The following IL1RAPL2 variants were observed in gnomAD, a reference collection of about 807,000 sequenced individuals.
IL1RAPL2 encodes X-linked interleukin-1 receptor accessory protein-like 2.
IL1RAPL2 carries 3 observed loss-of-function variants against 44.1 expected under a neutral mutation model. The ratio of observed to expected loss-of-function variants is 0.07; its 90% CI spans 0.03 to 0.18. The LOEUF is 0.18. Among genes scored for constraint, IL1RAPL2 ranks in the 10% least tolerant of loss-of-function variants. The probability of loss-of-function intolerance (pLI) is 1.00; values close to 1 mark genes in which losing one functional copy is unlikely to be tolerated. For synonymous variants in IL1RAPL2, 181 were observed against 178.8 expected (o/e 1.01, Z -0.10); for missense variants, 391 against 496.4 (o/e 0.79, Z 2.02).
chrX:105,279,251 A>G lies in IL1RAPL2; in HGVS notation c.697+11710A>G, dbSNP rs186172484. 1.4e-4 allele frequency among the ~76,000 whole-genome samples: 16 copies of G among 111,294 alleles called. No individual in the cohort carries two copies. The East Asian group carries it at 3.7e-3, about 26-fold the overall frequency. On this transcript the variant is annotated intron_variant, in intron 5 of 10. Coordinates refer to ENST00000372582, the MANE Select transcript of IL1RAPL2 (RefSeq NM_017416.2). The stretch of plus-strand genomic sequence containing the variant: ...TGATCAGCTCAGAATCCTGTAAGGT[A>G]TGTCATTTTAGCCCTGCTTTATAGA...
rs777980946 is a variant in IL1RAPL2 at position 104,902,151 on chromosome X, C to A, written c.82+243156C>A. Among the ~76,000 whole-genome samples, 33 of 111,812 alleles carry A rather than the reference C, an allele frequency of 3.0e-4. 1 individual carries two copies. The highest frequency in any genetic ancestry group is 4.6e-3 in the Middle Eastern group (1 of 219). ...TTTAGCCTTTCTCTCCTGGTATGAA[C>A]GTTATGGAAGTAAAGTAGCTTCTTT... On this transcript the variant is annotated intron_variant, in intron 2 of 10. Coordinates refer to ENST00000372582, the MANE Select transcript of IL1RAPL2 (RefSeq NM_017416.2).
intron 2 of IL1RAPL2, among the ~76,000 whole-genome samples, chrX:104,822,352 G>A (rs776785934): frequency 1.1e-4 from 12 of 111,784 alleles, no homozygotes; most frequent in Non-Finnish European, 1.9e-4. Context: ...GTATTGCCTA[G>A]GTTTTCTTCT....
At chrX:104,897,038 A>T (rs1053943948) in intron 2 of IL1RAPL2, among the ~76,000 whole-genome samples, 1 of 112,019 alleles carries the variant, frequency 8.9e-6, no homozygotes, top group Non-Finnish European at 1.9e-5. Context: ...CACCATCTTT[A>T]AGAACTGTAA....
intron 2 of IL1RAPL2, among the ~76,000 whole-genome samples, chrX:104,793,560 T>C (rs753013022): frequency 8.0e-5 from 9 of 112,095 alleles, no homozygotes; most frequent in African/African-American, 1.9e-4. Flanking sequence ...ACCTCACTTA[T>C]GGAAGCAAAT....
At chrX:104,694,946 T>C (rs1240417149) in intron 2 of IL1RAPL2, among the ~76,000 whole-genome samples, 1 of 112,310 alleles carries the variant, frequency 8.9e-6, no homozygotes. Flanking sequence ...TGAGTAGGGC[T>C]CTGCAGCACT....
intron 5 of IL1RAPL2, among the ~76,000 whole-genome samples, chrX:105,431,318 A>T (rs892141700): frequency 8.9e-6 from 1 of 112,035 alleles, no homozygotes; most frequent in African/African-American, 3.2e-5. Context: ...CTGGCATGTG[A>T]TCTGAGAGGC....
At chrX:104,801,377 C>A (rs1252443485) in intron 2 of IL1RAPL2, among the ~76,000 whole-genome samples, 1 of 111,480 alleles carries the variant, frequency 9.0e-6, no homozygotes, top group Non-Finnish European at 1.9e-5. Flanking sequence ...ATCCACTATT[C>A]AGATAAATGT....
chrX:105,061,470 C>A (rs2032074618), intron 2 of IL1RAPL2, among the ~76,000 whole-genome samples: 2 of 111,699 alleles, frequency 1.8e-5, no homozygotes, highest in African/African-American at 3.2e-5. Context: ...TATGTTCTAT[C>A]CTTGAGAATG....
rs149715234 is a variant in IL1RAPL2 at position 104,706,197 on chromosome X, A to G, written c.82+47202A>G. ...CATGGACAAGTCACTTGACTACTCTATGCCCCATTTGTCTTATCTGTAAAA... is the reference window on the plus strand; with the variant it reads ...CATGGACAAGTCACTTGACTACTCTGTGCCCCATTTGTCTTATCTGTAAAA... On this transcript the variant is annotated intron_variant, in intron 2 of 10. Coordinates refer to ENST00000372582, the MANE Select transcript of IL1RAPL2 (RefSeq NM_017416.2). Among the ~76,000 whole-genome samples, 9 of 111,152 alleles carry G rather than the reference A, an allele frequency of 8.1e-5. No individual in the cohort carries two copies. The East Asian group carries it at 2.6e-3, about 32-fold the overall frequency.
chrX:105,326,489 C>T (rs1377170968), intron 5 of IL1RAPL2, among the ~76,000 whole-genome samples: 1 of 111,247 alleles, frequency 9.0e-6, no homozygotes, highest in Non-Finnish European at 1.9e-5. Flanking sequence ...TTGTCTAACC[C>T]AATATTACAA....
At chrX:104,695,322 T>C (rs1221629438) in intron 2 of IL1RAPL2, among the ~76,000 whole-genome samples, 1 of 109,806 alleles carries the variant, frequency 9.1e-6, no homozygotes, top group Non-Finnish European at 1.9e-5. Flanking sequence ...TCCTTTGCCT[T>C]TTGTGGGGCA....
chrX:104,811,711 G>A (rs982244421), intron 2 of IL1RAPL2, among the ~76,000 whole-genome samples: 6 of 110,889 alleles, frequency 5.4e-5, no homozygotes, highest in African/African-American at 2.0e-4. Context: ...GGGTCTTAGC[G>A]AATCATCAGA....
intron 5 of IL1RAPL2, among the ~76,000 whole-genome samples, chrX:105,458,010 C>G (rs1159691816): frequency 9.0e-6 from 1 of 111,239 alleles, no homozygotes; most frequent in South Asian, 3.7e-4. Context: ...AAATTATAAC[C>G]AATCTAATGG....
chrX:104,812,250 AC>A (rs1932989320), intron 2 of IL1RAPL2, among the ~76,000 whole-genome samples: 1 of 111,567 alleles, frequency 9.0e-6, no homozygotes, highest in Non-Finnish European at 1.9e-5. Flanking sequence ...AGAGTCCTAC[AC>A]TATTAGTGCT....
At chrX:105,395,702 A>G (rs1406859667) in intron 5 of IL1RAPL2, among the ~76,000 whole-genome samples, 2 of 111,758 alleles carry the variant, frequency 1.8e-5, no homozygotes, top group Non-Finnish European at 3.8e-5. Context: ...AAATATTTTT[A>G]TCTTCCTTCT....
intron 2 of IL1RAPL2, among the ~76,000 whole-genome samples, chrX:104,775,910 G>A (rs184082252): frequency 4.4e-4 from 48 of 110,113 alleles, no homozygotes; most frequent in Non-Finnish European, 8.0e-4. Flanking sequence ...AAGAAGTGGG[G>A]AGAGATAATG....
chrX:104,919,413 C>T (rs777616341), intron 2 of IL1RAPL2, among the ~76,000 whole-genome samples: 97 of 109,020 alleles, frequency 8.9e-4, no homozygotes, highest in African/African-American at 3.2e-3. Flanking sequence ...TTAGTAGAGA[C>T]AGGGTTTCAC....
chrX:104,698,962 C>T (rs965413997), intron 2 of IL1RAPL2, among the ~76,000 whole-genome samples: 2 of 111,262 alleles, frequency 1.8e-5, no homozygotes, highest in Admixed American at 1.9e-4. Flanking sequence ...ACTCTGTAGT[C>T]CCTCTCCCTC....
chrX:105,158,629 T>G (rs1438149480), intron 2 of IL1RAPL2, among the ~76,000 whole-genome samples: 1 of 112,450 alleles, frequency 8.9e-6, no homozygotes, highest in African/African-American at 3.2e-5. Context: ...ATTGCTACCT[T>G]GCTAGTTAAA....
Sources: gnomAD v4.1 joint callset for allele counts (sites outside exome capture counted in the v4.1 genomes callset) on GRCh38, gnomAD v4.1.1 for gene constraint, MANE v1.5 for transcripts, NCBI Gene and HGNC (gene_info 2026-07-23, HGNC 2026-07-21) for gene names.